SRBD1: variants seen among roughly 807,000 people sequenced by gnomAD.
SRBD1 encodes S1 RNA-binding domain-containing protein 1.
In SRBD1, 88 loss-of-function variants were observed where a neutral mutation model predicts 115.3. That is an observed-to-expected ratio of 0.76 (90% CI 0.64 to 0.91). SRBD1 has a LOEUF of 0.91. SRBD1 is among the 40% of genes least tolerant of loss of function. The pLI is 0.00. For missense variants in SRBD1, 1,385 were observed against 1,177.4 expected (o/e 1.18, Z -2.58); for synonymous variants, 509 against 407.7 (o/e 1.25, Z -2.99).
chr2:45,587,138 T>A (rs1180860729), intron 4 of SRBD1, among the ~76,000 whole-genome samples: 1 of 103,568 alleles, frequency 9.7e-6, no homozygotes, highest in African/African-American at 6.4e-5. Flanking sequence ...TATTTAAAAT[T>A]TTTTAAATAT....
chr2:45,440,102 AGCTT>A (rs1668619031), intron 16 of SRBD1, among the ~76,000 whole-genome samples: 1 of 152,230 alleles, frequency 6.6e-6, no homozygotes, highest in Non-Finnish European at 1.5e-5. Flanking sequence ...TAATGACACA[AGCTT>A]GCTAGTTAGC....
At chr2:45,466,876 G>A (rs1191144148) in intron 16 of SRBD1, among the ~76,000 whole-genome samples, 1 of 152,150 alleles carries the variant, frequency 6.6e-6, no homozygotes, top group African/African-American at 2.4e-5. Flanking sequence ...ACTTTCAGCA[G>A]GGTCTCTTGT....
chr2:45,402,129 C>T lies in SRBD1; in HGVS notation c.2514-9000G>A, dbSNP rs563506191. Among the ~76,000 whole-genome samples, 3 of 152,220 alleles carry T rather than the reference C, an allele frequency of 2.0e-5. No homozygotes were observed. In the South Asian group the frequency reaches 6.2e-4, roughly 32 times the overall value. On this transcript the variant is annotated intron_variant, in intron 19 of 20. Coordinates refer to ENST00000263736, the MANE Select transcript of SRBD1 (RefSeq NM_018079.5). ...GGGAGCTAGGCAGAACCTTTTAAGGCCCTCCCCCAATCTCAACTACTTTTT... is the reference window on the plus strand; with the variant it reads ...GGGAGCTAGGCAGAACCTTTTAAGGTCCTCCCCCAATCTCAACTACTTTTT...
At chr2:45,600,226 G>C (rs1674050119) in intron 3 of SRBD1, among the ~76,000 whole-genome samples, 2 of 151,972 alleles carry the variant, frequency 1.3e-5, no homozygotes, top group Non-Finnish European at 2.9e-5. Context: ...AGTAAAACTG[G>C]AGAAATCTAA....
chr2:45,577,471 A>T (rs1393600142), intron 7 of SRBD1, among the ~76,000 whole-genome samples: 2 of 152,222 alleles, frequency 1.3e-5, no homozygotes, highest in Non-Finnish European at 2.9e-5. Flanking sequence ...CCGAAAGGCC[A>T]ACATTTCTTT....
At chr2:45,423,063 T>C (rs1668053046) in intron 16 of SRBD1, among the ~76,000 whole-genome samples, 1 of 152,102 alleles carries the variant, frequency 6.6e-6, no homozygotes, top group Admixed American at 6.5e-5. Flanking sequence ...CCATACGACT[T>C]TAAAATAAGC....
At chr2:45,575,233 A>G (rs931080692) in intron 7 of SRBD1, among the ~76,000 whole-genome samples, 2 of 152,314 alleles carry the variant, frequency 1.3e-5, no homozygotes, top group Non-Finnish European at 2.9e-5. Flanking sequence ...ATTTTCAACG[A>G]CCCATTTGAA....
At chr2:45,549,080 T>A (rs192560952) in intron 12 of SRBD1, 1 of 152,152 alleles carries the variant, frequency 6.6e-6, no homozygotes, top group African/African-American at 2.4e-5. Context: ...TCTGAAAGGA[T>A]TGGAAAACAC....
intron 16 of SRBD1, among the ~76,000 whole-genome samples, chr2:45,425,404 G>A (rs895594600): frequency 6.6e-6 from 1 of 152,052 alleles, no homozygotes; most frequent in African/African-American, 2.4e-5. Flanking sequence ...GCACAAAGGG[G>A]TGTGTATATG....
intron 14 of SRBD1, among the ~76,000 whole-genome samples, 157 bp downstream of exon 14, chr2:45,546,575 A>C (rs1399900048): frequency 6.6e-6 from 1 of 152,234 alleles, no homozygotes; most frequent in African/African-American, 2.4e-5. Context: ...AGAGTCAGAC[A>C]CTTTACATTA....
chr2:45,456,654 A>C (rs1669163660), intron 16 of SRBD1, among the ~76,000 whole-genome samples: 1 of 151,954 alleles, frequency 6.6e-6, no homozygotes, highest in South Asian at 2.1e-4. Context: ...GCCCCAAATT[A>C]CATACAGTTG....
At chr2:45,469,944 TCA>T (rs1194206126) in intron 16 of SRBD1, among the ~76,000 whole-genome samples, 2 of 152,236 alleles carry the variant, frequency 1.3e-5, no homozygotes, top group Non-Finnish European at 2.9e-5. Context: ...AAATAATGTC[TCA>T]GTTTTAGAAC....
intron 14 of SRBD1, among the ~76,000 whole-genome samples, chr2:45,497,024 C>T (rs184695403): frequency 4.6e-5 from 7 of 152,120 alleles, no homozygotes; most frequent in East Asian, 1.9e-4. Flanking sequence ...TCAGTTCAGC[C>T]GGCTGCTTCT....
intron 10 of SRBD1, among the ~76,000 whole-genome samples, chr2:45,559,513 T>C (rs1672593022): frequency 6.6e-6 from 1 of 152,174 alleles, no homozygotes; most frequent in Non-Finnish European, 1.5e-5. Flanking sequence ...TTGTTCTCAT[T>C]AAACTACGCT....
intron 16 of SRBD1, among the ~76,000 whole-genome samples, chr2:45,468,598 A>T (rs763972125): frequency 2.0e-5 from 3 of 152,102 alleles, no homozygotes; most frequent in Non-Finnish European, 4.4e-5. Context: ...TATGTCACTC[A>T]GGCTGTCTCA....
intron 16 of SRBD1, among the ~76,000 whole-genome samples, chr2:45,429,488 ACAT>A (rs1049926748): frequency 4.7e-4 from 71 of 152,308 alleles, no homozygotes; most frequent in African/African-American, 1.6e-3. Flanking sequence ...GGCTGATTCA[ACAT>A]ACACAAATTA....
At chr2:45,445,185 T>A (rs867945637) in intron 16 of SRBD1, among the ~76,000 whole-genome samples, 63 of 152,282 alleles carry the variant, frequency 4.1e-4, no homozygotes, top group African/African-American at 1.4e-3. Context: ...TGCCTTGGCT[T>A]CTGTGGTCAA....
At chr2:45,517,380 T>A (rs1346803222) in intron 14 of SRBD1, among the ~76,000 whole-genome samples, 2 of 152,232 alleles carry the variant, frequency 1.3e-5, no homozygotes, top group East Asian at 3.8e-4. Context: ...GAGTTCATTA[T>A]AACATGTTGT....
intron 16 of SRBD1, among the ~76,000 whole-genome samples, chr2:45,456,865 T>G (rs1052596640): frequency 2.0e-5 from 3 of 151,942 alleles, no homozygotes; most frequent in African/African-American, 7.2e-5. Flanking sequence ...TAGGGCACGT[T>G]TAATTTCTGT....
Sources: allele counts gnomAD v4.1 joint callset (sites outside exome capture counted in the v4.1 genomes callset), GRCh38; gene constraint gnomAD v4.1.1; transcripts MANE v1.5; gene names NCBI Gene and HGNC (gene_info 2026-07-23, HGNC 2026-07-21).